EFCAB8: variants seen among roughly 807,000 people sequenced by gnomAD.
EFCAB8 encodes the protein EF-hand calcium-binding domain-containing protein 8.
Under a neutral mutation model 116.3 loss-of-function variants are expected in EFCAB8, and 100 were observed. The ratio of observed to expected loss-of-function variants is 0.86; its 90% confidence interval spans 0.73 to 1.02. The LOEUF (loss-of-function observed/expected upper bound fraction) is 1.02, where lower values mean the gene tolerates loss of function less well. Ranked by LOEUF, EFCAB8 falls within the 50% of genes least tolerant of loss-of-function variation. EFCAB8 has a pLI of 0.00. For synonymous variants in EFCAB8, 558 were observed against 567.9 expected (o/e 0.98, Z 0.25); for missense variants, 1,320 against 1,416.9 (o/e 0.93, Z 1.10).
chr20:32,939,850 A>G (rs561964989), intron 22 of EFCAB8, among the ~76,000 whole-genome samples: 3 of 147,876 alleles, frequency 2.0e-5, no homozygotes, highest in South Asian at 4.3e-4. Context: ...GCCCGCCACC[A>G]TGCCTGGCTA....
chr20:32,877,813 A>T (rs1985063176), intron 4 of EFCAB8, among the ~76,000 whole-genome samples: 1 of 152,148 alleles, frequency 6.6e-6, no homozygotes, highest in Non-Finnish European at 1.5e-5. Context: ...ACATCCTTAC[A>T]GGGGCCTGAG....
At chr20:32,920,021 C>T (rs1987371841) in intron 19 of EFCAB8, 57 bp from the exon 20 acceptor site, 1 of 1,550,196 alleles carries the variant, frequency 6.5e-7, no homozygotes, top group Admixed American at 2.0e-5. Context: ...GTCTCTGGTC[C>T]CCTATGGGGA....
intron 15 of EFCAB8, 111 bp from the exon 16 acceptor site, chr20:32,911,369 A>G: frequency 1.1e-6 from 1 of 937,690 alleles, no homozygotes; most frequent in South Asian, 2.1e-5. Context: ...GGGGCCCTGA[A>G]CGTCTGTTTT....
intron 11 of EFCAB8, among the ~76,000 whole-genome samples, chr20:32,905,214 T>G (rs1287596260): frequency 1.3e-5 from 2 of 152,200 alleles, no homozygotes; most frequent in East Asian, 3.8e-4. Context: ...TAATATTTTT[T>G]CTTCACCCAT....
intron 7 of EFCAB8, among the ~76,000 whole-genome samples, chr20:32,891,435 C>A (rs1985908368): frequency 6.6e-6 from 1 of 152,198 alleles, no homozygotes; most frequent in Admixed American, 6.5e-5. Context: ...CCAGGCTAGT[C>A]TCCATCTCCT....
intron 6 of EFCAB8, among the ~76,000 whole-genome samples, chr20:32,888,453 A>G (rs1432479495): frequency 1.3e-5 from 2 of 151,914 alleles, no homozygotes; most frequent in East Asian, 1.9e-4. Flanking sequence ...CGAACTCCTG[A>G]CCTAGTGATC....
chr20:32,944,888 A>C (rs922656250), intron 23 of EFCAB8, among the ~76,000 whole-genome samples: 1 of 151,990 alleles, frequency 6.6e-6, no homozygotes, highest in African/African-American at 2.4e-5. Flanking sequence ...TTATTTATTC[A>C]GATAAGCTTT....
intron 20 of EFCAB8, among the ~76,000 whole-genome samples, chr20:32,922,776 A>G (rs1401176157): frequency 6.6e-6 from 1 of 152,148 alleles, no homozygotes; most frequent in Non-Finnish European, 1.5e-5. Context: ...AAGGGCCCAC[A>G]TGGGAGAGCT....
At chr20:32,895,078 C>T (rs1467239280) in intron 9 of EFCAB8, among the ~76,000 whole-genome samples, 2 of 152,198 alleles carry the variant, frequency 1.3e-5, no homozygotes, top group Non-Finnish European at 2.9e-5. Context: ...GGAACCTGAG[C>T]CTAGACTGCC....
intron 23 of EFCAB8, among the ~76,000 whole-genome samples, chr20:32,944,650 T>A (rs1260650509): frequency 6.6e-6 from 1 of 152,144 alleles, no homozygotes; most frequent in Non-Finnish European, 1.5e-5. Context: ...TAAAGGCAGG[T>A]CTAATGGTGA....
chr20:32,912,849 G>A lies in EFCAB8; in HGVS notation c.1841G>A (p.Arg614Lys), dbSNP rs1336369407. 1 of 719,018 alleles carries A rather than the reference G, an allele frequency of 1.4e-6. No individual in the cohort carries two copies. The allele number at this position is 719,018 out of a possible 1,614,324, so 44.5% of individuals were successfully genotyped here. The part of the protein sequence containing the change: ...KVFYVTGWSK[R>K]ITHFLFHKTK... Reference sequence around the variant, plus strand: ...TTCTATGTGACAGGATGGAGTAAGAGAATCACTCATTTCCTGTGAGTAGAA... The same window carrying A: ...TTCTATGTGACAGGATGGAGTAAGAAAATCACTCATTTCCTGTGAGTAGAA... Residue 614 changes from arginine (R) to lysine (K), a missense_variant, in exon 17 of 27, where the codon AGA (arginine) becomes AAA (lysine). Coordinates refer to ENST00000400522, the MANE Select transcript of EFCAB8 (RefSeq NM_001143967.2).
At chr20:32,950,766 T>C (rs1988772689) in intron 23 of EFCAB8, among the ~76,000 whole-genome samples, 2 of 152,184 alleles carry the variant, frequency 1.3e-5, no homozygotes, top group Admixed American at 1.3e-4. Context: ...GGGTGAAGTT[T>C]AGCAGTTACC....
Position 32,917,402 on chromosome 20 carries a change from C to T in EFCAB8, c.1958C>T (p.Thr653Ile). 1.3e-6 allele frequency: 2 copies of T among 1,551,938 alleles called. No homozygotes were observed. The highest frequency in any genetic ancestry group is 1.7e-6 in the Non-Finnish European group (2 of 1,147,022). ...AAGTACCGGAACCAGTTCCTTGGGA[C>T]CTCCTCCTACAGTGGGGACATCCTC... is the stretch of plus-strand genomic sequence containing the variant. The part of the protein sequence containing the change: ...MAKYRNQFLG[T>I]SSYSGDILFW... The change falls in exon 18 of 27, where the codon ACC (threonine) becomes ATC (isoleucine). Residue 653 changes from threonine (T) to isoleucine (I), a missense_variant. Transcript: ENST00000400522.
chr20:32,925,443 T>G (rs1401225246), intron 20 of EFCAB8, among the ~76,000 whole-genome samples: 3 of 152,230 alleles, frequency 2.0e-5, no homozygotes, highest in African/African-American at 7.2e-5. Context: ...GGTCTTGAAC[T>G]CCTGACCTTA....
intron 3 of EFCAB8, 111 bp downstream of exon 3, chr20:32,867,858 T>A: frequency 1.6e-6 from 2 of 1,242,412 alleles, no homozygotes; most frequent in Non-Finnish European, 2.2e-6. Context: ...TTTTTGTTTT[T>A]GAGACAGGAT....
chr20:32,944,919 G>C (rs1455241134), intron 23 of EFCAB8, among the ~76,000 whole-genome samples: 1 of 151,068 alleles, frequency 6.6e-6, no homozygotes, highest in African/African-American at 2.4e-5. Context: ...CTCTCTCTCT[G>C]TCTCTCTCTC....
intron 26 of EFCAB8, 150 bp downstream of exon 26, chr20:32,960,311 G>A: frequency 1.3e-6 from 1 of 781,526 alleles, no homozygotes; most frequent in Non-Finnish European, 2.1e-6. Context: ...CCATGGACAG[G>A]TCTGGGATGA....
chr20:32,896,713 G>A (rs566015233), intron 10 of EFCAB8, among the ~76,000 whole-genome samples, 186 bp downstream of exon 10: 95 of 152,282 alleles, frequency 6.2e-4, no homozygotes, highest in African/African-American at 1.8e-3. Context: ...CATCTCTGTG[G>A]CCATGCCCCT....
At position 32,896,672 on chromosome 20, in the gene EFCAB8, G is replaced by C. The variant is rs547582870; in HGVS notation, c.957+145G>C. ...TCTCTGGAAACAGGTTGCGGCAGCT[G>C]TTGGATCCCGTCAGCTCTATCTGCA... is the stretch of plus-strand genomic sequence containing the variant. On this transcript the variant is annotated intron_variant, in intron 10 of 26. Coordinates refer to ENST00000400522, the MANE Select transcript of EFCAB8 (RefSeq NM_001143967.2). 230 of 620,144 alleles carry C rather than the reference G, an allele frequency of 3.7e-4. 1 individual carries two copies. The highest frequency in any genetic ancestry group is 5.9e-4 in the Non-Finnish European group (204 of 345,516). The allele number at this position is 620,144 out of a possible 1,614,324, so 38.4% of individuals were successfully genotyped here.
Sources: allele counts gnomAD v4.1 joint callset (sites outside exome capture counted in the v4.1 genomes callset), GRCh38; gene constraint gnomAD v4.1.1; transcripts MANE v1.5; gene names NCBI Gene and HGNC (gene_info 2026-07-23, HGNC 2026-07-21).